The following CAMKK2 variants were observed in gnomAD, a reference collection of about 807,000 sequenced individuals.
The protein encoded by CAMKK2 is calcium/calmodulin-dependent protein kinase kinase 2.
CAMKK2 carries 30 observed loss-of-function variants against 67.2 expected under a neutral mutation model. The observed-to-expected ratio is 0.45, with a 90% CI of 0.33 to 0.61. The LOEUF (loss-of-function observed/expected upper bound fraction) is 0.61, where lower values mean the gene tolerates loss of function less well. CAMKK2 is among the 20% of genes least tolerant of loss of function. The probability of loss-of-function intolerance (pLI) is 0.02; values close to 1 mark genes in which losing one functional copy is unlikely to be tolerated. For synonymous variants in CAMKK2, 322 were observed against 326.2 expected (o/e 0.99, Z 0.14); for missense variants, 643 against 802.0 (o/e 0.80, Z 2.39).
At chr12:121,289,651 C>T (rs564165618) in intron 1 of CAMKK2, among the ~76,000 whole-genome samples, 165 of 152,172 alleles carry the variant, frequency 1.1e-3, no homozygotes, top group African/African-American at 3.8e-3. Context: ...CCAGCACTTT[C>T]GGAGACTGAG....
At chr12:121,268,058 T>A (rs1173316520) in intron 5 of CAMKK2, among the ~76,000 whole-genome samples, 1 of 96,672 alleles carries the variant, frequency 1.0e-5, no homozygotes, top group Admixed American at 9.9e-5. Context: ...TTACTTTTCA[T>A]GGCTGAATAA....
At chr12:121,279,430 C>A (rs1326098648) in intron 1 of CAMKK2, among the ~76,000 whole-genome samples, 1 of 152,178 alleles carries the variant, frequency 6.6e-6, no homozygotes, top group African/African-American at 2.4e-5. Context: ...CTACAAAGAT[C>A]TGATGAAAGC....
At chr12:121,284,808 G>A (rs1003904706) in intron 1 of CAMKK2, among the ~76,000 whole-genome samples, 4 of 152,208 alleles carry the variant, frequency 2.6e-5, no homozygotes, top group African/African-American at 7.2e-5. Context: ...CGAAAGCACA[G>A]GGTCTCAAAG....
Position 121,255,339 on chromosome 12 carries a change from ATT to A in CAMKK2, c.907+209_907+210del, listed in dbSNP as rs1491326301. Among the ~76,000 whole-genome samples the A allele has an allele frequency of 4.8e-4, 4 of 8,326 alleles. 1 individual carries two copies. Among genetic ancestry groups the A allele is most frequent in the African/African-American group, 1.3e-3 (4 of 3,052 alleles). The allele number at this position is 8,326 out of a possible 152,430, so 5.5% of individuals were successfully genotyped here. On this transcript the variant is annotated intron_variant, in intron 9 of 16. Coordinates refer to ENST00000404169, the MANE Select transcript of CAMKK2 (RefSeq NM_001270485.2). ...TTTTATATATATATAATTATATATA[ATT>A]TTATATATATAATTATATATATAAT... is the stretch of plus-strand genomic sequence containing the variant.
chr12:121,254,060 G>A (rs1308315809), intron 9 of CAMKK2, among the ~76,000 whole-genome samples: 1 of 152,178 alleles, frequency 6.6e-6, no homozygotes, highest in Non-Finnish European at 1.5e-5. Flanking sequence ...AGTGAAAGCA[G>A]CAGCAGAGCA....
rs777479538 is a variant in CAMKK2, at chr12:121,274,102, C to T, written c.425G>A (p.Arg142Gln). 19 of 1,536,046 alleles carry T rather than the reference C, an allele frequency of 1.2e-5. No homozygotes were observed. The Admixed American group carries it at 1.9e-4, about 15-fold the overall frequency. Residue 142 changes from arginine (R) to glutamine (Q), a missense_variant, in exon 2 of 17, where the codon CGG (arginine) becomes CAG (glutamine). Around this residue, in one of 3 missense-constraint regions of CAMKK2, gnomAD observed 483 missense variants for 625.8 expected, o/e 0.77. Coordinates refer to ENST00000404169, the MANE Select transcript of CAMKK2 (RefSeq NM_001270485.2). Reference protein sequence around the residue: ...SSPQSSPRLPRRPTVESHHVS... With the variant: ...SSPQSSPRLPQRPTVESHHVS... ...GTGGTGAGACTCCACTGTCGGCCGC[C>T]GGGGCAGCCGAGGCGAGGACTGCGG...
At chr12:121,290,191 T>C (rs919397740) in intron 1 of CAMKK2, among the ~76,000 whole-genome samples, 1 of 152,204 alleles carries the variant, frequency 6.6e-6, no homozygotes, top group Admixed American at 6.5e-5. Context: ...TGATCTCTGC[T>C]GGCCTTCCTC....
Position 121,245,186 on chromosome 12 carries a change from T to C in CAMKK2, c.1507A>G (p.Ser503Gly). 1 of 1,609,194 alleles carries C rather than the reference T, an allele frequency of 6.2e-7. No homozygotes were observed. The highest frequency in any genetic ancestry group is 8.5e-7 in the Non-Finnish European group (1 of 1,177,570). ...KRSFGNPFEG[S>G]RREERSLSAP... ...GACAGTGAGCGTTCCTCCCGCCGGC[T>C]GCCCTCGAATGGGTTCCCAAAGGAG... The change falls in exon 15 of 17, where the codon AGC (serine) becomes GGC (glycine). Residue 503 changes from serine to glycine, a missense_variant. Ser to Gly is a moderately conservative substitution (Grantham distance 56). Around this residue, in one of 3 missense-constraint regions of CAMKK2, gnomAD observed 140 missense variants for 124.2 expected, o/e 1.13. Coordinates refer to ENST00000404169, the MANE Select transcript of CAMKK2 (RefSeq NM_001270485.2). The surrounding 1 kb of genome is among the most constrained non-coding windows in gnomAD (Gnocchi z 5.8).
At chr12:121,284,444 C>G (rs1463279951) in intron 1 of CAMKK2, among the ~76,000 whole-genome samples, 1 of 152,146 alleles carries the variant, frequency 6.6e-6, no homozygotes, top group Non-Finnish European at 1.5e-5. Flanking sequence ...CCTGCTTCAG[C>G]TTCCCAAGTA....
At chr12:121,289,909 A>AT (rs1324022042) in intron 1 of CAMKK2, among the ~76,000 whole-genome samples, 1 of 134,790 alleles carries the variant, frequency 7.4e-6, no homozygotes, top group African/African-American at 3.6e-5. Flanking sequence ...AAAAAAAAAA[A>AT]AAGGCGGGGC....
At chr12:121,254,424 C>G (rs1891440907) in intron 9 of CAMKK2, among the ~76,000 whole-genome samples, 1 of 152,086 alleles carries the variant, frequency 6.6e-6, no homozygotes, top group African/African-American at 2.4e-5. Flanking sequence ...CGCCACTGCA[C>G]TCCAGCCCAG....
chr12:121,260,769 A>T (rs1270314813), intron 6 of CAMKK2, among the ~76,000 whole-genome samples: 1 of 152,046 alleles, frequency 6.6e-6, no homozygotes, highest in Non-Finnish European at 1.5e-5. Flanking sequence ...CCTGACCAAC[A>T]TGGAGAAACC....
chr12:121,292,609 C>T (rs930103726), intron 1 of CAMKK2, among the ~76,000 whole-genome samples: 9 of 152,170 alleles, frequency 5.9e-5, no homozygotes, highest in Admixed American at 1.3e-4. Context: ...CCGGCCTGAA[C>T]CCCATATCCA....
At position 121,237,794 on chromosome 12, in the gene CAMKK2, T is replaced by G. The variant is rs1281839001; in HGVS notation, c.*2905A>C. ...GTTGTCTCTTAAGTTCATGTACTTT[T>G]TAGTGATAAATACACAGTATTTAAC... is the stretch of plus-strand genomic sequence containing the variant. On this transcript the variant is annotated 3_prime_UTR_variant, in exon 17 of 17. Transcript: ENST00000404169. This position sits in a 1 kb window ranked among gnomAD's most constrained non-coding sequence, Gnocchi z 4.5. The G allele has an allele frequency of 6.6e-6, 1 of 152,622 alleles. No individual in the cohort carries two copies. Among genetic ancestry groups the G allele is most frequent in the Non-Finnish European group, 1.5e-5 (1 of 68,046 alleles). 9.5% of individuals were successfully genotyped at this position (152,622 alleles called of 1,614,324 possible). A position where few individuals can be genotyped will look rare whatever the true frequency, so the allele number is the denominator to read the frequency against.
chr12:121,261,276 T>C (rs948332136), intron 6 of CAMKK2, among the ~76,000 whole-genome samples: 1 of 152,116 alleles, frequency 6.6e-6, no homozygotes, highest in South Asian at 2.1e-4. Flanking sequence ...CCAAATGCCA[T>C]AGGGCAGCGG....
Position 121,273,959 on chromosome 12 carries a change from T to A in CAMKK2, c.471+97A>T, listed in dbSNP as rs1408794672. On this transcript the variant is annotated intron_variant, in intron 2 of 16. Transcript: ENST00000404169. ...TCCTAGGTCAACCGTGGCACTCAGA[T>A]CCTTCTGGGGGAGCCCAACCTTCCA... The A allele has an allele frequency of 8.1e-6, 8 of 987,820 alleles. No homozygotes were observed. In the Admixed American group the frequency reaches 2.4e-4, roughly 30 times the overall value. The allele number at this position is 987,820 out of a possible 1,614,324, so 61.2% of individuals were successfully genotyped here.
Position 121,238,429 on chromosome 12 carries a change from A to G in CAMKK2, c.*2270T>C, listed in dbSNP as rs1653587. ...ATAACAGCACCTCCTTTCCTGACAG[A>G]GCTGGCTTTTGAAAAATCAATGTGC... On this transcript the variant is annotated 3_prime_UTR_variant, in exon 17 of 17. Coordinates refer to ENST00000404169, the MANE Select transcript of CAMKK2 (RefSeq NM_001270485.2). 0.055 allele frequency: 8,422 copies of G among 152,652 alleles called. 246 individuals carry two copies. The highest frequency in any genetic ancestry group is 0.12 in the South Asian group (572 of 4,826). The allele number at this position is 152,652 out of a possible 1,614,324, so 9.5% of individuals were successfully genotyped here.
intron 2 of CAMKK2, among the ~76,000 whole-genome samples, chr12:121,272,007 G>C (rs1421972433): frequency 1.3e-5 from 2 of 151,978 alleles, no homozygotes; most frequent in Admixed American, 6.6e-5. Flanking sequence ...ACTGGGCCTA[G>C]CCTATTTTGT....
intron 13 of CAMKK2, 33 bp from the exon 14 acceptor site, chr12:121,248,767 G>T: frequency 6.2e-7 from 1 of 1,612,818 alleles, no homozygotes; most frequent in Non-Finnish European, 8.5e-7. Flanking sequence ...TGAGGGGCAG[G>T]TGTGGCTGGC....
Sources: allele counts gnomAD v4.1 joint callset (sites outside exome capture counted in the v4.1 genomes callset), GRCh38; gene constraint gnomAD v4.1.1; regional missense constraint gnomAD v4.1.1; non-coding constraint Gnocchi (gnomAD v3.1); transcripts MANE v1.5; gene names NCBI Gene and HGNC (gene_info 2026-07-23, HGNC 2026-07-21).